MGA: variants seen among roughly 807,000 people sequenced by gnomAD.
MGA encodes MAX dimerization protein MGA.
Under a neutral mutation model 261.1 loss-of-function variants are expected in MGA, and 40 were observed. The observed-to-expected ratio is 0.15, with a 90% confidence interval of 0.12 to 0.20. The LOEUF is 0.20. Ranked by LOEUF, MGA falls within the 10% of genes least tolerant of loss-of-function variation. MGA has a pLI of 1.00. For synonymous variants in MGA, 1,302 were observed against 1,290.6 expected (o/e 1.01, Z -0.19); for missense variants, 3,397 against 3,630.5 (o/e 0.94, Z 1.65).
At chr15:41,652,718 C>T (rs906435773) in intron 1 of MGA, among the ~76,000 whole-genome samples, 1 of 151,934 alleles carries the variant, frequency 6.6e-6, no homozygotes, top group Non-Finnish European at 1.5e-5. Context: ...TACAGTTTTT[C>T]AATATGATTA....
chr15:41,734,592 A>G lies in MGA; in HGVS notation c.3914A>G (p.Gln1305Arg), dbSNP rs1426484629. Residue 1305 changes from glutamine (Q) to arginine (R), a missense_variant and splice_region_variant, in exon 12 of 24, where the codon CAA (glutamine) becomes CGA (arginine). By Grantham distance (43) the Gln-to-Arg change is conservative. Around this residue, in one of 9 missense-constraint regions of MGA, gnomAD observed 1,410 missense variants for 1,386.4 expected, o/e 1.02. Coordinates refer to ENST00000219905, the MANE Select transcript of MGA (RefSeq NM_001164273.2). ...TTGGAGGATGATTCTGATAAATTACAAGGTCAGAATGAAAACTAGATCTTA... is the reference window on the plus strand; with the variant it reads ...TTGGAGGATGATTCTGATAAATTACGAGGTCAGAATGAAAACTAGATCTTA... 1.9e-6 allele frequency: 3 copies of G among 1,589,404 alleles called. No individual in the cohort carries two copies. The highest frequency in any genetic ancestry group is 1.7e-6 in the Non-Finnish European group (2 of 1,162,946).
rs2151993454 is a variant in MGA at position 41,760,475 on chromosome 15, C to T, written c.7344C>T (p.Ile2448=). Reference sequence around the variant, plus strand: ...GGGATCTCTTTGAGAAATTAAAGATCACATTGGGATTACTTCATTCTTCCA... The same window carrying T: ...GGGATCTCTTTGAGAAATTAAAGATTACATTGGGATTACTTCATTCTTCCA... The change falls in exon 20 of 24, where the codon ATC becomes ATT. Residue 2448 remains isoleucine (I), a synonymous_variant. Transcript: ENST00000219905. The T allele has an allele frequency of 6.2e-7, 1 of 1,614,008 alleles. No individual in the cohort carries two copies. Among genetic ancestry groups the T allele is most frequent in the Non-Finnish European group, 8.5e-7 (1 of 1,179,894 alleles).
At chr15:41,664,162 C>T (rs1367112336) in intron 1 of MGA, among the ~76,000 whole-genome samples, 1 of 152,124 alleles carries the variant, frequency 6.6e-6, no homozygotes, top group Non-Finnish European at 1.5e-5. Flanking sequence ...AATCATAAGT[C>T]AGAAGTTTAT....
chr15:41,692,258 T>C (rs577214480), intron 2 of MGA, among the ~76,000 whole-genome samples: 1 of 152,334 alleles, frequency 6.6e-6, no homozygotes, highest in South Asian at 2.1e-4. Flanking sequence ...GACCTAAGCA[T>C]TGGTAGACTA....
intron 1 of MGA, among the ~76,000 whole-genome samples, chr15:41,643,555 A>C (rs565750041): frequency 6.6e-6 from 1 of 151,902 alleles, no homozygotes; most frequent in Non-Finnish European, 1.5e-5. Context: ...TCCCATTTTT[A>C]AAGTGATTTT....
chr15:41,764,777 C>T, intron 22 of MGA, 109 bp from the exon 23 acceptor site: 14 of 1,102,024 alleles, frequency 1.3e-5, no homozygotes, highest in Non-Finnish European at 1.8e-5. Context: ...CTCCTGGGCT[C>T]AAGTGATCTG....
At chr15:41,732,217 C>T (rs1475851296) in intron 11 of MGA, among the ~76,000 whole-genome samples, 1 of 151,330 alleles carries the variant, frequency 6.6e-6, no homozygotes, top group Non-Finnish European at 1.5e-5. Context: ...GGCGCAACCT[C>T]AGCTCACTGC....
At chr15:41,642,548 A>G (rs2056843823) in intron 1 of MGA, among the ~76,000 whole-genome samples, 1 of 151,916 alleles carries the variant, frequency 6.6e-6, no homozygotes, top group Non-Finnish European at 1.5e-5. Context: ...CAGTGGTGCG[A>G]TCTCAGCTCA....
upstream of MGA, among the ~76,000 whole-genome samples, chr15:41,657,321 G>C (rs2057225682): frequency 6.9e-6 from 1 of 145,878 alleles, no homozygotes; most frequent in Admixed American, 6.8e-5. Flanking sequence ...TGAATTTTCA[G>C]GTTGGCTAGT....
chr15:41,754,680 CT>C, intron 18 of MGA, 113 bp downstream of exon 18: 9 of 1,249,108 alleles, frequency 7.2e-6, no homozygotes, highest in Admixed American at 3.3e-5. Flanking sequence ...CTTCCTCTAG[CT>C]TTTTTTCTGA....
At chr15:41,731,916 A>G (rs192989342) in intron 11 of MGA, among the ~76,000 whole-genome samples, 7 of 152,296 alleles carry the variant, frequency 4.6e-5, no homozygotes, top group East Asian at 1.9e-4. Context: ...TGATCCTGCT[A>G]CTGTTTACCA....
At chr15:41,686,361 T>C (rs894098652) in intron 2 of MGA, among the ~76,000 whole-genome samples, 2 of 151,988 alleles carry the variant, frequency 1.3e-5, no homozygotes, top group Non-Finnish European at 2.9e-5. Flanking sequence ...CCCCCATCTC[T>C]ATAAAAACTT....
intron 1 of MGA, among the ~76,000 whole-genome samples, chr15:41,633,193 C>G (rs1004480238): frequency 6.6e-6 from 1 of 152,016 alleles, no homozygotes; most frequent in Non-Finnish European, 1.5e-5. Flanking sequence ...TTGTGATCCC[C>G]CCTGCCTTGG....
intron 22 of MGA, among the ~76,000 whole-genome samples, chr15:41,764,252 ATTTT>A (rs71108132): frequency 3.6e-5 from 4 of 109,704 alleles, no homozygotes; most frequent in Non-Finnish European, 3.9e-5. Context: ...TGGTGTGGGT[ATTTT>A]TTTTTTTTTT....
intron 5 of MGA, among the ~76,000 whole-genome samples, chr15:41,704,827 A>G (rs555921621): frequency 1.3e-5 from 2 of 152,096 alleles, no homozygotes; most frequent in Non-Finnish European, 2.9e-5. Context: ...TTTTGGCTAT[A>G]TCTTATTGTA....
At chr15:41,667,437 G>C (rs537022125) in intron 1 of MGA, among the ~76,000 whole-genome samples, 3 of 152,116 alleles carry the variant, frequency 2.0e-5, no homozygotes, top group South Asian at 2.1e-4. Flanking sequence ...GTAGAGACAG[G>C]GTTTCACCAT....
chr15:41,637,061 A>G (rs1050833825), intron 1 of MGA, among the ~76,000 whole-genome samples: 1 of 152,198 alleles, frequency 6.6e-6, no homozygotes, highest in Non-Finnish European at 1.5e-5. Flanking sequence ...AGGTCGTAGT[A>G]AAGAGAGAAA....
At chr15:41,732,189 C>T (rs1434264512) in intron 11 of MGA, among the ~76,000 whole-genome samples, 2 of 151,612 alleles carry the variant, frequency 1.3e-5, no homozygotes, top group Non-Finnish European at 2.9e-5. Context: ...CGCTCTGTCC[C>T]CCAGGCTGGA....
At chr15:41,691,757 A>G in intron 2 of MGA, 1 of 278,340 alleles carries the variant, frequency 3.6e-6, no homozygotes, top group Non-Finnish European at 8.3e-6. Context: ...TCTGACTTAC[A>G]TAGTTTCCAT....
Sources: allele counts gnomAD v4.1 joint callset (sites outside exome capture counted in the v4.1 genomes callset), GRCh38; gene constraint gnomAD v4.1.1; regional missense constraint gnomAD v4.1.1; transcripts MANE v1.5; gene names NCBI Gene and HGNC (gene_info 2026-07-23, HGNC 2026-07-21).